The following KIF26B variants were observed in gnomAD, a reference collection of about 807,000 sequenced individuals.
KIF26B encodes the protein kinesin-like protein KIF26B.
A neutral mutation model predicts 151.2 loss-of-function variants in KIF26B; 63 were observed. The observed-to-expected ratio is 0.42, with a 90% CI of 0.34 to 0.51. The LOEUF is 0.51. Among genes scored for constraint, KIF26B ranks in the 20% least tolerant of loss-of-function variants. KIF26B has a pLI of 0.07. For synonymous variants in KIF26B, 1,357 were observed against 1,262.1 expected, an observed-to-expected ratio of 1.08 and a Z score of -1.59; for missense variants, 2,813 against 2,913.6, an observed-to-expected ratio of 0.97 and a Z score of 0.79.
chr1:245,410,963 T>C (rs1417743469), intron 3 of KIF26B, among the ~76,000 whole-genome samples: 1 of 152,212 alleles, frequency 6.6e-6, no homozygotes, highest in Non-Finnish European at 1.5e-5. Context: ...GGTGGAATCA[T>C]ACAATATTTG....
chr1:245,486,767 C>T (rs762656315), intron 4 of KIF26B, among the ~76,000 whole-genome samples: 12 of 152,116 alleles, frequency 7.9e-5, no homozygotes, highest in Non-Finnish European at 1.3e-4. Flanking sequence ...GCCTCCCAGG[C>T]TCAAGCCATC....
intron 4 of KIF26B, among the ~76,000 whole-genome samples, chr1:245,525,917 C>G (rs1255914666): frequency 1.9e-4 from 29 of 149,674 alleles, no homozygotes. Flanking sequence ...TAATTTTGCT[C>G]CAGATTCTGC....
At chr1:245,590,762 G>C (rs1389118871) in intron 5 of KIF26B, among the ~76,000 whole-genome samples, 2 of 152,056 alleles carry the variant, frequency 1.3e-5, no homozygotes, top group African/African-American at 2.4e-5. Flanking sequence ...TTAAAAATTA[G>C]CTGGGTGTGG....
At chr1:245,510,041 G>T (rs1660798141) in intron 4 of KIF26B, among the ~76,000 whole-genome samples, 1 of 152,188 alleles carries the variant, frequency 6.6e-6, no homozygotes, top group South Asian at 2.1e-4. Flanking sequence ...GAACAGTGGA[G>T]TGGGGCATGC....
rs181090159 is a variant in KIF26B at position 245,480,883 on chromosome 1, C to A, written c.1167-59884C>A. On this transcript the variant is annotated intron_variant, in intron 4 of 14. Coordinates refer to ENST00000407071, the MANE Select transcript of KIF26B (RefSeq NM_018012.4). The stretch of plus-strand genomic sequence containing the variant: ...AAAGGGACCACAGAGGTCATCTGGG[C>A]CCATTTCCTCATTTTATAGAAAAGG... Among the ~76,000 whole-genome samples, 101 of 151,564 alleles carry A rather than the reference C, an allele frequency of 6.7e-4. 1 individual carries two copies. The highest frequency in any genetic ancestry group is 3.4e-3 in the Middle Eastern group (1 of 290).
intron 4 of KIF26B, among the ~76,000 whole-genome samples, chr1:245,459,349 GTTTTAT>G (rs748791732): frequency 3.4e-4 from 51 of 152,126 alleles, no homozygotes; most frequent in Admixed American, 1.0e-3. Flanking sequence ...CCCTCTTTTG[GTTTTAT>G]TTTTTTCAGG....
At chr1:245,188,012 G>T (rs2103531160) in intron 2 of KIF26B, among the ~76,000 whole-genome samples, 1 of 152,216 alleles carries the variant, frequency 6.6e-6, no homozygotes, top group South Asian at 2.1e-4. Flanking sequence ...GGGCGCGGTG[G>T]CTCATGCCTG....
intron 2 of KIF26B, among the ~76,000 whole-genome samples, chr1:245,190,525 G>C (rs1669084204): frequency 6.6e-6 from 1 of 151,978 alleles, no homozygotes; most frequent in Non-Finnish European, 1.5e-5. Context: ...ATTTTCCCGG[G>C]AGTACCTTCT....
rs746602905 is a variant in KIF26B at position 245,540,685 on chromosome 1, G to T, written c.1167-82G>T. On this transcript the variant is annotated intron_variant, in intron 4 of 14. Transcript: ENST00000407071. This position sits in a 1 kb window ranked among gnomAD's most constrained non-coding sequence, Gnocchi z 4.6. ...GATTAGGCCTCAGAAAGAACGAGGGGTTGTTTAAGAGAAAACGAAGTAAGC... is the reference window on the plus strand; with the variant it reads ...GATTAGGCCTCAGAAAGAACGAGGGTTTGTTTAAGAGAAAACGAAGTAAGC... 14 of 1,257,954 alleles carry T rather than the reference G, an allele frequency of 1.1e-5. No individual in the cohort carries two copies. Among genetic ancestry groups the T allele is most frequent in the African/African-American group, 2.9e-5 (2 of 67,806 alleles). The allele number at this position is 1,257,954 out of a possible 1,614,324, so 77.9% of individuals were successfully genotyped here. A position where few individuals can be genotyped will look rare whatever the true frequency, so the allele number is the denominator to read the frequency against.
chr1:245,629,667 C>G (rs184368817), intron 9 of KIF26B, among the ~76,000 whole-genome samples: 1 of 152,082 alleles, frequency 6.6e-6, no homozygotes, highest in African/African-American at 2.4e-5. Context: ...GCACTACCAG[C>G]CAGGACATAG....
chr1:245,303,783 GGCCCTTCT>G (rs1671487562), intron 2 of KIF26B, among the ~76,000 whole-genome samples: 1 of 152,174 alleles, frequency 6.6e-6, no homozygotes, highest in Non-Finnish European at 1.5e-5. Flanking sequence ...AGCTGCACTG[GGCCCTTCT>G]GCCCTCTTCA....
intron 2 of KIF26B, among the ~76,000 whole-genome samples, chr1:245,199,996 A>G (rs1212746531): frequency 6.6e-6 from 1 of 152,232 alleles, no homozygotes; most frequent in African/African-American, 2.4e-5. Flanking sequence ...GTCAGCAGCA[A>G]ATCGAAAGGA....
At position 245,279,760 on chromosome 1, in the gene KIF26B, T is replaced by A. The variant is rs1031254167; in HGVS notation, c.466-87074T>A. 4.6e-5 allele frequency among the ~76,000 whole-genome samples: 7 copies of A among 152,222 alleles called. No individual in the cohort carries two copies. The East Asian group carries it at 1.2e-3, about 25-fold the overall frequency. ...TAATCACTCTTTTTTTTTTTTAGCT[T>A]GTGCTAAATCATTTTTTAAAATTGT... On this transcript the variant is annotated intron_variant, in intron 2 of 14. Transcript: ENST00000407071.
intron 4 of KIF26B, among the ~76,000 whole-genome samples, chr1:245,447,727 C>T (rs188157656): frequency 1.2e-3 from 183 of 152,300 alleles, no homozygotes; most frequent in Non-Finnish European, 1.4e-3. Context: ...CAGGAGTTAC[C>T]GCCCCTTTCC....
intron 2 of KIF26B, among the ~76,000 whole-genome samples, chr1:245,295,592 G>A (rs1671322693): frequency 6.6e-6 from 1 of 152,238 alleles, no homozygotes; most frequent in Non-Finnish European, 1.5e-5. Context: ...CACATGAGAT[G>A]TTGACGCATT....
chr1:245,195,248 C>G (rs35544430), intron 2 of KIF26B, among the ~76,000 whole-genome samples: 1,680 of 152,328 alleles, frequency 0.011, 17 homozygotes, highest in Non-Finnish European at 0.016. Flanking sequence ...AGTAAAATCT[C>G]TGCTAGTAGT....
chr1:245,386,076 A>G (rs1241620781), intron 3 of KIF26B, among the ~76,000 whole-genome samples: 3 of 152,118 alleles, frequency 2.0e-5, no homozygotes, highest in Non-Finnish European at 4.4e-5. Flanking sequence ...CCCCATCTCT[A>G]CTAAAAATAC....
At chr1:245,551,383 C>G (rs1661876619) in intron 5 of KIF26B, among the ~76,000 whole-genome samples, 1 of 152,116 alleles carries the variant, frequency 6.6e-6, no homozygotes, top group Non-Finnish European at 1.5e-5. Flanking sequence ...CATATTTGCA[C>G]AAGAAGATTT....
intron 10 of KIF26B, among the ~76,000 whole-genome samples, chr1:245,652,621 G>A (rs538618116): frequency 2.0e-5 from 3 of 152,262 alleles, no homozygotes; most frequent in African/African-American, 4.8e-5. Flanking sequence ...ATAGAACCAC[G>A]CCAGTCACTC....
Sources: allele counts gnomAD v4.1 joint callset (sites outside exome capture counted in the v4.1 genomes callset), GRCh38; gene constraint gnomAD v4.1.1; non-coding constraint Gnocchi (gnomAD v3.1); transcripts MANE v1.5; gene names NCBI Gene and HGNC (gene_info 2026-07-23, HGNC 2026-07-21).